The following SLC38A12 variants were observed in gnomAD, a reference collection of about 807,000 sequenced individuals.
SLC38A12 encodes the protein solute carrier family 38 member 12.
the SLC38A12 span, among the ~76,000 whole-genome samples, chr17:74,800,523 C>T: frequency 6.6e-6 from 1 of 152,264 alleles, no homozygotes; most frequent in Non-Finnish European, 1.5e-5. Context: ...AGTGGGTCAA[C>T]GCTGCCTTCA....
chr17:74,826,945 G>A, the SLC38A12 span, among the ~76,000 whole-genome samples: 1 of 152,096 alleles, frequency 6.6e-6, no homozygotes, highest in Non-Finnish European at 1.5e-5. Flanking sequence ...AGCCTGTTGG[G>A]GTCCTACTTG....
the SLC38A12 span, among the ~76,000 whole-genome samples, chr17:74,816,441 C>T: frequency 6.6e-6 from 1 of 152,318 alleles, no homozygotes; most frequent in African/African-American, 2.4e-5. Context: ...GACTGCAGAA[C>T]GTTCTAAAAG....
chr17:74,820,150 A>G, the SLC38A12 span, among the ~76,000 whole-genome samples: 1 of 152,218 alleles, frequency 6.6e-6, no homozygotes, highest in Non-Finnish European at 1.5e-5. Context: ...TTCTCATACA[A>G]CCATGCTGGG....
chr17:74,786,268 G>A, the SLC38A12 span, among the ~76,000 whole-genome samples: 3 of 152,202 alleles, frequency 2.0e-5, no homozygotes, highest in African/African-American at 7.2e-5. Context: ...CCCAGGCCAG[G>A]AAGGGGTTTA....
the SLC38A12 span, among the ~76,000 whole-genome samples, chr17:74,815,706 C>T: frequency 1.3e-5 from 2 of 152,186 alleles, no homozygotes; most frequent in Admixed American, 6.5e-5. Context: ...GTGGACACGG[C>T]ACAGCCTCAG....
the SLC38A12 span, chr17:74,838,297 C>A: frequency 1.0e-6 from 1 of 985,990 alleles, no homozygotes; most frequent in Non-Finnish European, 1.2e-6. Flanking sequence ...GACTTCCTCC[C>A]AGGAGGCCTC....
chr17:74,785,662 C>G, the SLC38A12 span: 1 of 1,581,476 alleles, frequency 6.3e-7, no homozygotes, highest in Non-Finnish European at 8.6e-7. Flanking sequence ...GGGAGTCAGC[C>G]CAGGAAGCCC....
chr17:74,833,517 A>G, the SLC38A12 span, among the ~76,000 whole-genome samples: 1 of 152,092 alleles, frequency 6.6e-6, no homozygotes, highest in East Asian at 2.0e-4. Context: ...AGGAAATCCC[A>G]CAGTCAGGGC....
chr17:74,822,692 C>CTTCT, the SLC38A12 span, among the ~76,000 whole-genome samples: 1 of 152,238 alleles, frequency 6.6e-6, no homozygotes, highest in Admixed American at 6.5e-5. Context: ...TGTGGCACAG[C>CTTCT]CCTCTCGCCA....
the SLC38A12 span, among the ~76,000 whole-genome samples, chr17:74,828,111 G>T: frequency 6.6e-6 from 1 of 152,180 alleles, no homozygotes; most frequent in Non-Finnish European, 1.5e-5. Flanking sequence ...GGAAAAGAGA[G>T]TGCCGCTCCC....
At chr17:74,813,244 C>G in the SLC38A12 span, among the ~76,000 whole-genome samples, 1 of 152,224 alleles carries the variant, frequency 6.6e-6, no homozygotes, top group African/African-American at 2.4e-5. Flanking sequence ...GCCCGCTTTT[C>G]AAGTCTCAGT....
At chr17:74,795,394 T>TC in the SLC38A12 span, 4 of 761,630 alleles carry the variant, frequency 5.3e-6, no homozygotes, top group Non-Finnish European at 8.6e-6. Flanking sequence ...CAGAGATGCA[T>TC]CCCGCAAAGT....
the SLC38A12 span, among the ~76,000 whole-genome samples, chr17:74,789,247 G>C: frequency 6.6e-6 from 1 of 152,150 alleles, no homozygotes; most frequent in Admixed American, 6.5e-5. Flanking sequence ...AAAGAACACA[G>C]GGGCCGGTGG....
the SLC38A12 span, among the ~76,000 whole-genome samples, chr17:74,809,616 C>T: frequency 4.6e-5 from 7 of 152,182 alleles, no homozygotes; most frequent in African/African-American, 7.2e-5. Flanking sequence ...CCCTTCATGC[C>T]GCCTCTTTCC....
At chr17:74,801,434 C>T in the SLC38A12 span, among the ~76,000 whole-genome samples, 2 of 152,176 alleles carry the variant, frequency 1.3e-5, no homozygotes, top group Non-Finnish European at 2.9e-5. Flanking sequence ...CCCTGAGATG[C>T]ATGTCCCGGG....
the SLC38A12 span, among the ~76,000 whole-genome samples, chr17:74,819,482 G>A: frequency 6.6e-6 from 1 of 152,256 alleles, no homozygotes; most frequent in African/African-American, 2.4e-5. Flanking sequence ...TCCCTGGAAT[G>A]ACACCTGGGC....
At chr17:74,786,069 C>T in the SLC38A12 span, among the ~76,000 whole-genome samples, 15 of 152,332 alleles carry the variant, frequency 9.8e-5, no homozygotes, top group South Asian at 4.1e-4. Flanking sequence ...GATAAACACA[C>T]GCCTGGGTGC....
chr17:74,821,760 C>T, the SLC38A12 span, among the ~76,000 whole-genome samples: 2 of 152,222 alleles, frequency 1.3e-5, no homozygotes, highest in Non-Finnish European at 2.9e-5. Flanking sequence ...TCTGGTGCTC[C>T]AGCTCCTGTG....
the SLC38A12 span, among the ~76,000 whole-genome samples, chr17:74,792,902 T>C: frequency 2.0e-5 from 3 of 152,232 alleles, no homozygotes; most frequent in Non-Finnish European, 2.9e-5. Flanking sequence ...TGAGCAAGCA[T>C]AAGCGTTTCC....
Sources: allele counts gnomAD v4.1 joint callset (sites outside exome capture counted in the v4.1 genomes callset), GRCh38; gene constraint gnomAD v4.1.1; transcripts MANE v1.5; gene names NCBI Gene and HGNC (gene_info 2026-07-23, HGNC 2026-07-21).